The following NRP2 variants were observed in gnomAD, a reference collection of about 807,000 sequenced individuals.
NRP2 encodes the protein neuropilin-2.
A neutral mutation model predicts 110.4 loss-of-function variants in NRP2; 52 were observed. That is an observed-to-expected ratio of 0.47 (90% CI 0.38 to 0.59). The LOEUF (loss-of-function observed/expected upper bound fraction) is 0.59. NRP2 is among the 20% of genes least tolerant of loss of function. The pLI is 0.00. For synonymous variants in NRP2, 508 were observed against 468.9 expected, an observed-to-expected ratio of 1.08 and a Z score of -1.08; for missense variants, 1,049 against 1,203.0, an observed-to-expected ratio of 0.87 and a Z score of 1.89.
At chr2:205,724,030 A>G in intron 5 of NRP2, 90 bp downstream of exon 5, 1 of 1,430,588 alleles carries the variant, frequency 7.0e-7, no homozygotes, top group Non-Finnish European at 9.8e-7. Flanking sequence ...CTTATGAGGG[A>G]GGAGATGGGA....
At chr2:205,693,660 C>A (rs1461193947) in intron 1 of NRP2, among the ~76,000 whole-genome samples, 3 of 152,234 alleles carry the variant, frequency 2.0e-5, no homozygotes, top group African/African-American at 7.2e-5. Context: ...TGGGTGCCAT[C>A]TCCCATCTTT....
intron 15 of NRP2, among the ~76,000 whole-genome samples, chr2:205,782,828 T>C (rs1478215858): frequency 6.6e-6 from 1 of 152,076 alleles, no homozygotes; most frequent in Non-Finnish European, 1.5e-5. Context: ...ACTGCTCCCC[T>C]GTTGATGAGT....
At chr2:205,729,685 T>C (rs1353483651) in intron 7 of NRP2, among the ~76,000 whole-genome samples, 2 of 152,214 alleles carry the variant, frequency 1.3e-5, no homozygotes, top group Non-Finnish European at 2.9e-5. Flanking sequence ...CAGGATGCTA[T>C]TTAAAACATC....
intron 3 of NRP2, chr2:205,722,181 AC>A: frequency 2.3e-6 from 1 of 431,330 alleles, no homozygotes; most frequent in South Asian, 2.2e-5. Flanking sequence ...ATACACACAC[AC>A]ACACACACAC....
intron 12 of NRP2, chr2:205,761,831 A>T (rs2057827531): frequency 6.6e-6 from 1 of 152,246 alleles, no homozygotes; most frequent in East Asian, 1.9e-4. Context: ...CTTTCTGAGC[A>T]GTTTCTTCAT....
chr2:205,744,630 C>G (rs1276713024), intron 9 of NRP2, among the ~76,000 whole-genome samples: 1 of 152,186 alleles, frequency 6.6e-6, no homozygotes, highest in Non-Finnish European at 1.5e-5. Flanking sequence ...ATTCTTATCT[C>G]TAGTTACCCC....
intron 12 of NRP2, chr2:205,762,044 T>C (rs769088458): frequency 6.6e-6 from 1 of 152,204 alleles, no homozygotes; most frequent in Non-Finnish European, 1.5e-5. Context: ...TTGGCATCAG[T>C]GTATCCTCCC....
At chr2:205,705,665 G>A (rs181650988) in intron 2 of NRP2, among the ~76,000 whole-genome samples, 8 of 152,202 alleles carry the variant, frequency 5.3e-5, no homozygotes, top group Admixed American at 2.6e-4. Context: ...ATGTTTAACC[G>A]CCACAGCTGG....
chr2:205,785,240 C>G (rs1443088925), intron 15 of NRP2, among the ~76,000 whole-genome samples: 1 of 152,168 alleles, frequency 6.6e-6, no homozygotes, highest in Non-Finnish European at 1.5e-5. Context: ...CAAGGTTGTA[C>G]CAAACCACTC....
At chr2:205,720,262 C>CTTTTTTTTTTTTTTTTTTTTTTT (rs202203741) in intron 3 of NRP2, among the ~76,000 whole-genome samples, 1 of 129,172 alleles carries the variant, frequency 7.7e-6, no homozygotes, top group African/African-American at 2.7e-5. Context: ...TTTTTTCTTT[C>CTTTTTTTTTTTTTTTTTTTTTTT]TTTTTTTTTT....
intron 15 of NRP2, chr2:205,777,128 G>C: frequency 1.0e-6 from 1 of 987,052 alleles, no homozygotes; most frequent in Non-Finnish European, 1.2e-6. Context: ...ACTTGGAGAA[G>C]AGATTGAAGC....
chr2:205,779,784 T>C (rs567030392), intron 15 of NRP2: 12 of 152,224 alleles, frequency 7.9e-5, no homozygotes, highest in Non-Finnish European at 1.3e-4. Flanking sequence ...AAACTGATGC[T>C]TCCAAAGTTT....
At chr2:205,701,529 ACT>A (rs2056557697) in intron 2 of NRP2, 2 of 116,624 alleles carry the variant, frequency 1.7e-5, no homozygotes, top group Admixed American at 2.1e-4. Flanking sequence ...AAAGAGTGAG[ACT>A]CTGTCTCAAA....
At chr2:205,765,419 A>G (rs926424443) in intron 13 of NRP2, 55 bp from the exon 14 acceptor site, 1 of 1,458,620 alleles carries the variant, frequency 6.9e-7, no homozygotes, top group Non-Finnish European at 9.6e-7. Flanking sequence ...AAATCCTTGC[A>G]CCGTTTGGAC....
At chr2:205,776,350 G>A (rs2058098338) in intron 15 of NRP2, 1 of 1,612,986 alleles carries the variant, frequency 6.2e-7, no homozygotes. Context: ...CGCCGTGCTG[G>A]TGCTGGTCTC....
chr2:205,703,549 T>C (rs1187212349), intron 2 of NRP2, among the ~76,000 whole-genome samples: 3 of 152,210 alleles, frequency 2.0e-5, no homozygotes, highest in African/African-American at 7.2e-5. Flanking sequence ...TGCTTTACTC[T>C]TGTGCTGTCT....
intron 1 of NRP2, among the ~76,000 whole-genome samples, chr2:205,688,869 A>AC (rs397743029): frequency 8.6e-5 from 13 of 151,544 alleles, no homozygotes; most frequent in African/African-American, 2.9e-4. Context: ...AACAAAAAAA[A>AC]CAAAAAAACC....
intron 15 of NRP2, 51 bp downstream of exon 15, chr2:205,766,854 T>TC (rs2057929733): frequency 1.3e-6 from 2 of 1,556,322 alleles, no homozygotes; most frequent in Non-Finnish European, 1.8e-6. Flanking sequence ...GCTTTTTCCT[T>TC]CCCCCATGTG....
rs1034174085 is a variant in NRP2, at chr2:205,723,764, C to A, written c.665-21C>A. 1.9e-6 allele frequency: 3 copies of A among 1,613,768 alleles called. No individual in the cohort carries two copies. In the African/African-American group the frequency reaches 4.0e-5, roughly 22 times the overall value. On this transcript the variant is annotated intron_variant, in intron 4 of 16. Coordinates refer to ENST00000357785, the MANE Select transcript of NRP2 (RefSeq NM_003872.3). ...TTGACATTTTGATTTCCACTGACTTCTCTTTGTCTTGAATGTCCAGTTGGC... is the reference window on the plus strand; with the variant it reads ...TTGACATTTTGATTTCCACTGACTTATCTTTGTCTTGAATGTCCAGTTGGC...
Sources: gnomAD v4.1 joint callset for allele counts (sites outside exome capture counted in the v4.1 genomes callset) on GRCh38, gnomAD v4.1.1 for gene constraint, MANE v1.5 for transcripts, NCBI Gene and HGNC (gene_info 2026-07-23, HGNC 2026-07-21) for gene names.